Variants in OSBPL3 observed in about 807,000 individuals in gnomAD.
OSBPL3 encodes the protein oxysterol binding protein like 3, also known as oxysterol-binding protein-related protein 3.
In OSBPL3, 65 loss-of-function variants were observed where a neutral mutation model predicts 120.1. The ratio of observed to expected loss-of-function variants is 0.54; its 90% CI spans 0.44 to 0.67. OSBPL3 has a LOEUF of 0.67. Among genes scored for constraint, OSBPL3 ranks in the 30% least tolerant of loss-of-function variants. The pLI, the probability that OSBPL3 is intolerant of heterozygous loss-of-function variation, is 0.00. For synonymous variants in OSBPL3, 416 were observed against 402.6 expected, an observed-to-expected ratio of 1.03 and a Z score of -0.40; for missense variants, 1,004 against 1,082.1, an observed-to-expected ratio of 0.93 and a Z score of 1.01.
In OSBPL3 at chr7:24,804,247, T is replaced by G. The variant is rs1476122394; in HGVS notation, c.2567+68A>C. The G allele has an allele frequency of 1.3e-6, 2 of 1,594,862 alleles. No individual in the cohort carries two copies. Among genetic ancestry groups the G allele is most frequent in the Admixed American group, 1.7e-5 (1 of 59,862 alleles). ...TCTGGGGACAGTACTGTTCACTTTC[T>G]GCAAACCAGAAGCATAACGTGCTGG... is the stretch of plus-strand genomic sequence containing the variant. On this transcript the variant is annotated intron_variant, in intron 22 of 22. Coordinates refer to ENST00000313367, the MANE Select transcript of OSBPL3 (RefSeq NM_015550.4). The surrounding 1 kb of genome is among the most constrained non-coding windows in gnomAD (Gnocchi z 5.4).
Position 24,872,006 on chromosome 7 carries a change from G to T in OSBPL3, c.160C>A (p.Gln54Lys). The T allele has an allele frequency of 6.2e-7, 1 of 1,613,880 alleles. No homozygotes were observed. The highest frequency in any genetic ancestry group is 1.1e-5 in the South Asian group (1 of 91,056). Residue 54 changes from glutamine to lysine, a missense_variant, in exon 3 of 23, where the codon CAG becomes AAG. Gln to Lys is a moderately conservative substitution (Grantham distance 53). Transcript: ENST00000313367. The surrounding 1 kb of genome is among the most constrained non-coding windows in gnomAD (Gnocchi z 4.1). ...CTCTTTTTCAGCAAAAATCCTTTCT[G>T]AACTGGTGGCTCCTGGGTGTAATTC... ...EMNYTQEPPVQKGFLLKKRKW... is the reference protein window; with the variant it reads ...EMNYTQEPPVKKGFLLKKRKW...
intron 2 of OSBPL3, among the ~76,000 whole-genome samples, chr7:24,890,161 TGAAA>T (rs1253729010): frequency 8.5e-5 from 13 of 152,316 alleles, no homozygotes; most frequent in Admixed American, 2.6e-4. Flanking sequence ...CCCCTCCAGA[TGAAA>T]GAAAGAAAGC....
rs886601626 is a variant in OSBPL3 at position 24,820,313 on chromosome 7, T to C, written c.1885-75A>G. On this transcript the variant is annotated intron_variant, in intron 16 of 22. Transcript: ENST00000313367. The surrounding 1 kb of genome is among the most constrained non-coding windows in gnomAD (Gnocchi z 4.6). Reference sequence around the variant, plus strand: ...CTCATGAAATCCATTCTTTCTCCCCTGCACTGAGATGTAACAGCGTGCAAT... The same window carrying C: ...CTCATGAAATCCATTCTTTCTCCCCCGCACTGAGATGTAACAGCGTGCAAT... 9.4e-7 allele frequency: 1 copy of C among 1,062,020 alleles called. No individual in the cohort carries two copies. The highest frequency in any genetic ancestry group is 1.4e-6 in the Non-Finnish European group (1 of 694,454). 65.8% of individuals were successfully genotyped at this position (1,062,020 alleles called of 1,614,324 possible). A position where few individuals can be genotyped will look rare whatever the true frequency, so the allele number is the denominator to read the frequency against.
chr7:24,854,496 ACACACG>A lies in OSBPL3; in HGVS notation c.1028-1868_1028-1863del, dbSNP rs773168887. ...CAAAGTCACAACAATTTGTACACAC[ACACACG>A]CACACACACACACACACACACACAC... On this transcript the variant is annotated intron_variant, in intron 10 of 22. Transcript: ENST00000313367. The surrounding 1 kb of genome is among the most constrained non-coding windows in gnomAD (Gnocchi z 4.1). Among the ~76,000 whole-genome samples the A allele has an allele frequency of 0.083, 7,623 of 91,642 alleles. 252 individuals are homozygous for A. Among genetic ancestry groups the A allele is most frequent in the African/African-American group, 0.17 (3,678 of 22,194 alleles). The allele number at this position is 91,642 out of a possible 152,430, so 60.1% of individuals were successfully genotyped here.
At chr7:24,919,865 T>C (rs186890183) in intron 1 of OSBPL3, among the ~76,000 whole-genome samples, 4 of 151,188 alleles carry the variant, frequency 2.6e-5, no homozygotes, top group African/African-American at 9.7e-5. Flanking sequence ...TAGACATTTC[T>C]CCTCCAAAGA....
Position 24,952,197 on chromosome 7 carries a change from C to A in OSBPL3, c.-150+27689G>T, listed in dbSNP as rs1365406628. On this transcript the variant is annotated intron_variant, in intron 1 of 22. Transcript: ENST00000313367. This position sits in a 1 kb window ranked among gnomAD's most constrained non-coding sequence, Gnocchi z 4.4. ...GAACTACCCAGACACTGAAATGATG[C>A]ACAAAATTCTGCTCAATAGGCTGAT... Among the ~76,000 whole-genome samples, 1 of 152,132 alleles carries A rather than the reference C, an allele frequency of 6.6e-6. No homozygotes were observed. Among genetic ancestry groups the A allele is most frequent in the Non-Finnish European group, 1.5e-5 (1 of 68,018 alleles).
In OSBPL3 at chr7:24,803,370, G is replaced by A. The variant is rs1315694067; in HGVS notation, c.2567+945C>T. ...TGAGGAGAGTCAGGCCCCATTCCAG[G>A]GTATTATACCGAGTCCTTCAACAGA... On this transcript the variant is annotated intron_variant, in intron 22 of 22. Transcript: ENST00000313367. The surrounding 1 kb of genome is among the most constrained non-coding windows in gnomAD (Gnocchi z 4.2). Among the ~76,000 whole-genome samples the A allele has an allele frequency of 1.3e-5, 2 of 152,102 alleles. No individual in the cohort carries two copies. The highest frequency in any genetic ancestry group is 4.8e-5 in the African/African-American group (2 of 41,406).
chr7:24,916,629 C>T lies in OSBPL3; in HGVS notation c.-149-24008G>A, dbSNP rs6461827. ...GTCTTCTTCATTCCCTGACCCTCTT[C>T]TCTGGCTGTGTCTCAACTGTTGGAG... is the stretch of plus-strand genomic sequence containing the variant. On this transcript the variant is annotated intron_variant, in intron 1 of 22. Transcript: ENST00000313367. The surrounding 1 kb of genome is among the most constrained non-coding windows in gnomAD (Gnocchi z 4.9). Among the ~76,000 whole-genome samples the T allele has an allele frequency of 0.083, 12,570 of 152,078 alleles. 543 individuals carry two copies. Among genetic ancestry groups the T allele is most frequent in the South Asian group, 0.13 (612 of 4,820 alleles).
chr7:24,901,577 C>T (rs539965271), intron 1 of OSBPL3, among the ~76,000 whole-genome samples: 1 of 152,310 alleles, frequency 6.6e-6, no homozygotes, highest in East Asian at 1.9e-4. Context: ...CTTTATCATT[C>T]AGTGGCTCAC....
chr7:24,943,743 C>T (rs982710468), intron 1 of OSBPL3, among the ~76,000 whole-genome samples: 1 of 152,180 alleles, frequency 6.6e-6, no homozygotes, highest in Non-Finnish European at 1.5e-5. Context: ...TTCACGTTCC[C>T]TGGTGCTGAC....
chr7:24,820,817 TA>T lies in OSBPL3; in HGVS notation c.1885-580del, dbSNP rs34650111. Among the ~76,000 whole-genome samples, 130 of 146,950 alleles carry T rather than the reference TA, an allele frequency of 8.8e-4. No homozygotes were observed. The highest frequency in any genetic ancestry group is 3.4e-3 in the Middle Eastern group (1 of 290). On this transcript the variant is annotated intron_variant, in intron 16 of 22. Transcript: ENST00000313367. The surrounding 1 kb of genome is among the most constrained non-coding windows in gnomAD (Gnocchi z 4.6). ...TTTTTTTAAAAAAGAGTGTTTCTAT[TA>T]AAAAAAAAAAAGGTAAACACAATTG...
In OSBPL3 at chr7:24,936,688, G is replaced by A. The variant is rs144976980; in HGVS notation, c.-150+43198C>T. 6.6e-6 allele frequency among the ~76,000 whole-genome samples: 1 copy of A among 152,328 alleles called. No homozygotes were observed. The highest frequency in any genetic ancestry group is 1.5e-5 in the Non-Finnish European group (1 of 68,032). ...GCCTGCAGGCACAAATACTTTGAGG[G>A]CCTGCTGGAGAACAGGTATGTAGAA... is the stretch of plus-strand genomic sequence containing the variant. On this transcript the variant is annotated intron_variant, in intron 1 of 22. Transcript: ENST00000313367. This position sits in a 1 kb window ranked among gnomAD's most constrained non-coding sequence, Gnocchi z 4.2.
chr7:24,801,227 G>A (rs1478957253), intron 22 of OSBPL3, among the ~76,000 whole-genome samples: 1 of 116,810 alleles, frequency 8.6e-6, no homozygotes, highest in African/African-American at 3.6e-5. Context: ...CTGGAAGACA[G>A]AGCAAGACTC....
At position 24,815,757 on chromosome 7, in the gene OSBPL3, T is replaced by C. The variant is rs1261970564; in HGVS notation, c.2028-554A>G. ...TGTTTCATGTATATTATCTGTTTAA[T>C]CTTCACAATAGCCCTAGGAAGTAGG... is the stretch of plus-strand genomic sequence containing the variant. On this transcript the variant is annotated intron_variant, in intron 18 of 22. Transcript: ENST00000313367. This position sits in a 1 kb window ranked among gnomAD's most constrained non-coding sequence, Gnocchi z 5.1. 1.3e-5 allele frequency among the ~76,000 whole-genome samples: 2 copies of C among 152,228 alleles called. No individual in the cohort carries two copies. The highest frequency in any genetic ancestry group is 6.5e-5 in the Admixed American group (1 of 15,290).
chr7:24,981,169 T>C (rs1183142386), upstream of OSBPL3, among the ~76,000 whole-genome samples: 2 of 151,950 alleles, frequency 1.3e-5, no homozygotes, highest in Non-Finnish European at 2.9e-5. This position sits in a 1 kb window ranked among gnomAD's most constrained non-coding sequence, Gnocchi z 7.3. Context: ...ATGCAAAAAA[T>C]AAAAGGCTGA....
intron 5 of OSBPL3, among the ~76,000 whole-genome samples, chr7:24,870,252 A>G (rs1562859435): frequency 6.6e-6 from 1 of 152,168 alleles, no homozygotes; most frequent in Non-Finnish European, 1.5e-5. Context: ...TTGAAGTACT[A>G]TTTGGGAACC....
intron 1 of OSBPL3, among the ~76,000 whole-genome samples, chr7:24,911,908 G>C (rs1056941041): frequency 6.6e-6 from 1 of 152,162 alleles, no homozygotes; most frequent in Admixed American, 6.5e-5. Context: ...GGTGGTTACT[G>C]GTAGACTAGA....
intron 1 of OSBPL3, among the ~76,000 whole-genome samples, chr7:24,949,070 T>C (rs754815942): frequency 6.6e-6 from 1 of 152,256 alleles, no homozygotes; most frequent in Non-Finnish European, 1.5e-5. Flanking sequence ...CATGAAAACA[T>C]TGTGAGTAAT....
chr7:24,812,073 G>A (rs140427528), intron 19 of OSBPL3, among the ~76,000 whole-genome samples: 13,034 of 152,132 alleles, frequency 0.086, 767 homozygotes, highest in Non-Finnish European at 0.13. Flanking sequence ...TTGGGAGGCC[G>A]AGGTGGGTGG....
Sources: allele counts gnomAD v4.1 joint callset (sites outside exome capture counted in the v4.1 genomes callset), GRCh38; gene constraint gnomAD v4.1.1; non-coding constraint Gnocchi (gnomAD v3.1); transcripts MANE v1.5; gene names NCBI Gene and HGNC (gene_info 2026-07-23, HGNC 2026-07-21).